PLEKHG4B: variants seen among roughly 807,000 people sequenced by gnomAD.
PLEKHG4B encodes the protein pleckstrin homology domain-containing family G member 4B.
A neutral mutation model predicts 121.3 loss-of-function variants in PLEKHG4B; 111 were observed. That is an observed-to-expected ratio of 0.92 (90% CI 0.78 to 1.07). PLEKHG4B has a LOEUF of 1.07. Ranked by LOEUF, PLEKHG4B falls within the 50% of genes least tolerant of loss-of-function variation. PLEKHG4B has a pLI of 0.00. For synonymous variants in PLEKHG4B, 738 were observed against 725.0 expected (o/e 1.02, Z -0.29); for missense variants, 1,831 against 1,757.8 (o/e 1.04, Z -0.74).
chr5:139,599 C>G lies in PLEKHG4B; in HGVS notation c.360C>G (p.Tyr120Ter). Residue 120 changes from tyrosine (Y) to a stop codon, truncating the protein, a stop_gained, in exon 3 of 20, where the codon TAC (tyrosine) becomes TAG (stop). Transcript: ENST00000637938. LOFTEE classifies it high-confidence loss of function. The surrounding 1 kb of genome is among the most constrained non-coding windows in gnomAD (Gnocchi z 5.0). ...TCAGGCTCCAGCCCGGGGACTTCTA[C>G]CTGCAGGTCACGTCGGCGGGGAAGC... ...HGVRLQPGDF[Y>*]LQVTSAGKQS... is the part of the protein sequence containing the mutation. 2.5e-6 allele frequency: 1 copy of G among 398,924 alleles called. No homozygotes were observed. The highest frequency in any genetic ancestry group is 4.4e-6 in the Non-Finnish European group (1 of 226,086). The allele number at this position is 398,924 out of a possible 1,614,324, so 24.7% of individuals were successfully genotyped here. A position where few individuals can be genotyped will look rare whatever the true frequency, so the allele number is the denominator to read the frequency against.
At chr5:134,759 C>G (rs1474015620) in intron 2 of PLEKHG4B, among the ~76,000 whole-genome samples, 3 of 136,680 alleles carry the variant, frequency 2.2e-5, no homozygotes, top group Non-Finnish European at 4.6e-5. Flanking sequence ...GAGTGAGACT[C>G]TGTCTCAAAA....
At chr5:135,680 AAAATATATAT>A (rs1237829404) in intron 2 of PLEKHG4B, among the ~76,000 whole-genome samples, 2 of 35,278 alleles carry the variant, frequency 5.7e-5, no homozygotes. Context: ...AAAAAAAAAA[AAAATATATAT>A]ATATATATAT....
chr5:154,878 G>A lies in PLEKHG4B; in HGVS notation c.1996G>A (p.Glu666Lys), dbSNP rs1735719482. 3 of 1,613,362 alleles carry A rather than the reference G, an allele frequency of 1.9e-6. No individual in the cohort carries two copies. The highest frequency in any genetic ancestry group is 2.5e-6 in the Non-Finnish European group (3 of 1,179,732). The change falls in exon 8 of 20, where the codon GAG becomes AAG. Residue 666 changes from glutamate (E) to lysine (K), a missense_variant. Glu to Lys is a moderately conservative substitution (Grantham distance 56). Coordinates refer to ENST00000637938, the MANE Select transcript of PLEKHG4B (RefSeq NM_052909.5). ...RPDKDAIIQCEVVSSLKAVHK... is the reference protein window; with the variant it reads ...RPDKDAIIQCKVVSSLKAVHK... ...AACGAGTGCCTCTTCTTGGCAGTGT[G>A]AGGTCGTGAGCTCCCTGAAGGCCGT...
In PLEKHG4B at chr5:142,420, C is replaced by T. The variant is rs533732534; in HGVS notation, c.1478-627C>T. Among the ~76,000 whole-genome samples, 9 of 151,870 alleles carry T rather than the reference C, an allele frequency of 5.9e-5. 1 individual carries two copies. Among genetic ancestry groups the T allele is most frequent in the South Asian group, 2.1e-4 (1 of 4,822 alleles). On this transcript the variant is annotated intron_variant, in intron 3 of 19. Transcript: ENST00000637938. ...AACACACACAGTCACATGCCTCACA[C>T]GATACACGCGCGCACAGTCACCAGT...
At chr5:167,283 T>C (rs1400710315) in intron 13 of PLEKHG4B, among the ~76,000 whole-genome samples, 17 of 152,234 alleles carry the variant, frequency 1.1e-4, no homozygotes. Flanking sequence ...AGTGAGAATC[T>C]GTCAAATCTG....
rs925964165 is a variant in PLEKHG4B at position 98,837 on chromosome 5, C to CTTTTTT, written c.45+6575_45+6580dup. On this transcript the variant is annotated intron_variant, in intron 1 of 19. Transcript: ENST00000637938. ...TCTGAGTATTCCAACTTGAATTTTC[C>CTTTTTT]TTTTTTTTTTTTTTTTTTTCAAAAA... is the stretch of plus-strand genomic sequence containing the variant. 3.3e-3 allele frequency among the ~76,000 whole-genome samples: 265 copies of CTTTTTT among 79,228 alleles called. 4 individuals carry two copies. The highest frequency in any genetic ancestry group is 0.012 in the African/African-American group (230 of 19,054). 52.0% of individuals were successfully genotyped at this position (79,228 alleles called of 152,430 possible).
At chr5:155,266 A>T in intron 8 of PLEKHG4B, 79 bp from the exon 9 acceptor site, 1 of 1,288,468 alleles carries the variant, frequency 7.8e-7, no homozygotes. Context: ...CTAAATGCAG[A>T]AACTGGAACT....
Position 156,095 on chromosome 5 carries a change from C to CATG in PLEKHG4B, c.2235_2237dup (p.His745_Glu746insAsp), listed in dbSNP as rs1265708125. ...GGAAGTCGCCGAGTTAATTGACCAG[C>CATG]ATGAGACGATGATGAAGCTTGTCCT... On this transcript the variant is annotated inframe_insertion, in exon 10 of 20. Coordinates refer to ENST00000637938, the MANE Select transcript of PLEKHG4B (RefSeq NM_052909.5). The surrounding 1 kb of genome is among the most constrained non-coding windows in gnomAD (Gnocchi z 4.4). 1 of 1,598,918 alleles carries CATG rather than the reference C, an allele frequency of 6.3e-7. No homozygotes were observed. The highest frequency in any genetic ancestry group is 8.5e-7 in the Non-Finnish European group (1 of 1,172,148).
At chr5:144,661 C>T (rs576550934) in intron 5 of PLEKHG4B, among the ~76,000 whole-genome samples, 166 bp from the exon 6 acceptor site, 68 of 152,272 alleles carry the variant, frequency 4.5e-4, no homozygotes, top group African/African-American at 1.3e-3. Flanking sequence ...TGCCTCCAGC[C>T]GATGGGCCTG....
rs2126408929 is a variant in PLEKHG4B, at chr5:145,356, C to G, written c.1905+436C>G. ...AAGGACAGAGGCAGGAAGGGGCAGC[C>G]ATAGTTCACTGCAAGGATGAACCAG... On this transcript the variant is annotated intron_variant, in intron 6 of 19. Coordinates refer to ENST00000637938, the MANE Select transcript of PLEKHG4B (RefSeq NM_052909.5). Among the ~76,000 whole-genome samples the G allele has an allele frequency of 1.3e-5, 2 of 152,158 alleles. 1 individual carries two copies. The highest frequency in any genetic ancestry group is 3.9e-4 in the East Asian group (2 of 5,182).
Position 156,222 on chromosome 5 carries a change from CAG to C in PLEKHG4B, c.2348+13_2348+14del, listed in dbSNP as rs1430184077. On this transcript the variant is annotated intron_variant, in intron 10 of 19. Transcript: ENST00000637938. This position sits in a 1 kb window ranked among gnomAD's most constrained non-coding sequence, Gnocchi z 4.4. ...ACAGAAGACAGCCGGTGAGCGCTCACAGGGGTCATGCTGGGCCCTGGCCCATC... is the reference window on the plus strand; with the variant it reads ...ACAGAAGACAGCCGGTGAGCGCTCACGGGTCATGCTGGGCCCTGGCCCATC... The C allele has an allele frequency of 6.7e-6, 10 of 1,486,840 alleles. No individual in the cohort carries two copies. In the Admixed American group the frequency reaches 8.4e-5, roughly 12 times the overall value. The allele number at this position is 1,486,840 out of a possible 1,614,324, so 92.1% of individuals were successfully genotyped here.
intron 2 of PLEKHG4B, among the ~76,000 whole-genome samples, chr5:126,026 TTCTTTG>T (rs1364961212): frequency 6.6e-6 from 1 of 152,238 alleles, no homozygotes; most frequent in South Asian, 2.1e-4. Context: ...GCTTTCAGGA[TTCTTTG>T]TCTTTGTCAT....
At chr5:93,106 A>G (rs1179889926) in intron 1 of PLEKHG4B, among the ~76,000 whole-genome samples, 1 of 152,172 alleles carries the variant, frequency 6.6e-6, no homozygotes, top group Non-Finnish European at 1.5e-5. Context: ...TTTAGTTGGT[A>G]CGTCTAGGTG....
At chr5:97,315 GTCAAAACCCCTTACCT>G in intron 1 of PLEKHG4B, among the ~76,000 whole-genome samples, 1 of 151,188 alleles carries the variant, frequency 6.6e-6, no homozygotes. Flanking sequence ...TCATTCCAAA[GTCAAAACCCCTTACCT>G]GTCATTCAGG....
chr5:97,964 A>G (rs1244081530), intron 1 of PLEKHG4B, among the ~76,000 whole-genome samples: 3 of 152,168 alleles, frequency 2.0e-5, no homozygotes, highest in South Asian at 2.1e-4. Flanking sequence ...TATTTTTTAC[A>G]TTATTATTAT....
rs886640617 is a variant in PLEKHG4B at position 189,135 on chromosome 5, G to C, written c.*6812G>C. 12 of 152,440 alleles carry C rather than the reference G, an allele frequency of 7.9e-5. No individual in the cohort carries two copies. Among genetic ancestry groups the C allele is most frequent in the African/African-American group, 2.9e-4 (12 of 41,476 alleles). 9.4% of individuals were successfully genotyped at this position (152,440 alleles called of 1,614,324 possible). A position where few individuals can be genotyped will look rare whatever the true frequency, so the allele number is the denominator to read the frequency against. ...CGCCCATAATGGGCCCTGCCCCCTAGGCCTGGCCTCTTTTGCTTTCCTCCT... is the reference window on the plus strand; with the variant it reads ...CGCCCATAATGGGCCCTGCCCCCTACGCCTGGCCTCTTTTGCTTTCCTCCT... On this transcript the variant is annotated 3_prime_UTR_variant, in exon 20 of 20. Transcript: ENST00000637938.
At chr5:162,631 A>T in intron 12 of PLEKHG4B, 91 bp from the exon 13 acceptor site, 1 of 989,164 alleles carries the variant, frequency 1.0e-6, no homozygotes, top group Non-Finnish European at 1.3e-6. Context: ...CTGGTCCCTG[A>T]ATAGGCTGAC....
At chr5:170,973 C>T (rs930618344) in intron 14 of PLEKHG4B, 70 bp from the exon 15 acceptor site, 46 of 1,318,790 alleles carry the variant, frequency 3.5e-5, no homozygotes, top group South Asian at 8.0e-5. Flanking sequence ...AAGTCTGACC[C>T]GGGCTGCGGG....
chr5:120,307 G>T (rs374663936), intron 2 of PLEKHG4B, among the ~76,000 whole-genome samples: 6 of 152,134 alleles, frequency 3.9e-5, no homozygotes, highest in South Asian at 4.1e-4. Context: ...AACTCTTACA[G>T]TCTCATGGTC....
Sources: gnomAD v4.1 joint callset for allele counts (sites outside exome capture counted in the v4.1 genomes callset) on GRCh38, gnomAD v4.1.1 for gene constraint, Gnocchi (gnomAD v3.1) non-coding constraint, MANE v1.5 for transcripts, NCBI Gene and HGNC (gene_info 2026-07-23, HGNC 2026-07-21) for gene names.